The following MAPK8 variants were observed in gnomAD, a reference collection of about 807,000 sequenced individuals.
MAPK8 encodes the protein mitogen-activated protein kinase 8, also known as JUN N-terminal kinase.
MAPK8 carries 13 observed loss-of-function variants against 52.9 expected under a neutral mutation model. The observed-to-expected ratio is 0.25, with a 90% CI of 0.16 to 0.39. The LOEUF is 0.39. Among genes scored for constraint, MAPK8 ranks in the 10% least tolerant of loss-of-function variants. MAPK8 has a pLI of 1.00. For missense variants in MAPK8, 300 were observed against 519.2 expected, an observed-to-expected ratio of 0.58 and a Z score of 4.10; for synonymous variants, 191 against 169.8, an observed-to-expected ratio of 1.12 and a Z score of -0.97.
chr10:48,336,763 G>A (rs984381462), intron 1 of MAPK8, among the ~76,000 whole-genome samples: 1 of 152,138 alleles, frequency 6.6e-6, no homozygotes, highest in African/African-American at 2.4e-5. Context: ...AAGGCAAAAG[G>A]TAGGCATTTC....
chr10:48,385,272 G>GT (rs199616438), intron 1 of MAPK8, among the ~76,000 whole-genome samples: 3 of 151,868 alleles, frequency 2.0e-5, no homozygotes, highest in South Asian at 4.2e-4. Context: ...TAGAGCAAAA[G>GT]TTTTTTTTGT....
At chr10:48,422,542 C>T (rs971703963) in intron 6 of MAPK8, among the ~76,000 whole-genome samples, 1 of 152,128 alleles carries the variant, frequency 6.6e-6, no homozygotes, top group African/African-American at 2.4e-5. Context: ...TTTCAAAATA[C>T]TTTTGTTTAA....
At chr10:48,324,381 C>T (rs1040824435) in intron 1 of MAPK8, among the ~76,000 whole-genome samples, 6 of 152,098 alleles carry the variant, frequency 3.9e-5, no homozygotes, top group Non-Finnish European at 8.8e-5. Flanking sequence ...TCTTATTCTG[C>T]CCCTCTCCTC....
chr10:48,433,590 C>T (rs1316385130), intron 11 of MAPK8, among the ~76,000 whole-genome samples: 1 of 152,172 alleles, frequency 6.6e-6, no homozygotes, highest in Non-Finnish European at 1.5e-5. Flanking sequence ...TTTTCTCTTC[C>T]GTTTCAGCTC....
chr10:48,423,168 A>G (rs761253490), intron 6 of MAPK8, among the ~76,000 whole-genome samples: 3 of 152,322 alleles, frequency 2.0e-5, no homozygotes, highest in Middle Eastern at 3.4e-3. Flanking sequence ...AGTTTCCCTT[A>G]GTAAGTGGAG....
intron 1 of MAPK8, among the ~76,000 whole-genome samples, chr10:48,382,906 G>GTATA (rs1219081929): frequency 1.5e-5 from 2 of 133,774 alleles, no homozygotes; most frequent in African/African-American, 5.4e-5. Flanking sequence ...ATAGCTATGT[G>GTATA]TATATATATA....
chr10:48,404,616 G>C (rs1424547224), intron 2 of MAPK8, among the ~76,000 whole-genome samples: 3 of 152,094 alleles, frequency 2.0e-5, no homozygotes, highest in Non-Finnish European at 4.4e-5. Context: ...GAACATGCAG[G>C]GTCTCTGTTG....
chr10:48,423,363 G>A (rs975980423), intron 6 of MAPK8, among the ~76,000 whole-genome samples: 1 of 152,258 alleles, frequency 6.6e-6, no homozygotes, highest in Non-Finnish European at 1.5e-5. Flanking sequence ...GGTTTTATGG[G>A]TTTAAAAAAC....
At chr10:48,425,716 A>T in intron 7 of MAPK8, 172 bp from the exon 8 acceptor site, 2 of 454,866 alleles carry the variant, frequency 4.4e-6, no homozygotes, top group South Asian at 1.2e-4. Context: ...TTTATTGATC[A>T]TTTCTGTCCA....
At chr10:48,313,418 G>A (rs1842173442) in intron 1 of MAPK8, among the ~76,000 whole-genome samples, 1 of 40 alleles carries the variant, frequency 0.025, no homozygotes, top group East Asian at 0.5. Context: ...GGGCGGCAGA[G>A]GTGTAGACTC....
intron 7 of MAPK8, chr10:48,424,586 G>A (rs776142826): frequency 1.0e-5 from 16 of 1,574,460 alleles, no homozygotes; most frequent in Middle Eastern, 1.7e-4. Context: ...GGTACAGATC[G>A]TATCCTTATC....
At chr10:48,431,825 G>C (rs1053658454) in intron 11 of MAPK8, among the ~76,000 whole-genome samples, 1 of 152,128 alleles carries the variant, frequency 6.6e-6, no homozygotes, top group African/African-American at 2.4e-5. Flanking sequence ...AAAGTATAAA[G>C]AATAGAGGGG....
chr10:48,409,398 A>G (rs189766418), intron 3 of MAPK8, among the ~76,000 whole-genome samples: 6 of 152,334 alleles, frequency 3.9e-5, no homozygotes, highest in Non-Finnish European at 7.3e-5. Context: ...CCATGCAAAA[A>G]GTGAAAAGAA....
intron 1 of MAPK8, among the ~76,000 whole-genome samples, chr10:48,345,233 G>A (rs1454225054): frequency 6.6e-6 from 1 of 152,048 alleles, no homozygotes. Flanking sequence ...AGGAACTTCC[G>A]GTTTCATTGC....
chr10:48,342,802 T>C (rs186116132), intron 1 of MAPK8, among the ~76,000 whole-genome samples: 1 of 152,318 alleles, frequency 6.6e-6, no homozygotes, highest in East Asian at 1.9e-4. Context: ...GCCTTTTGAA[T>C]GTCCAGATGG....
At chr10:48,330,640 G>A (rs1844042300) in intron 1 of MAPK8, among the ~76,000 whole-genome samples, 1 of 152,182 alleles carries the variant, frequency 6.6e-6, no homozygotes, top group African/African-American at 2.4e-5. Flanking sequence ...CAGGTGTCTG[G>A]TAGGCAGGCA....
chr10:48,403,223 G>T (rs967317694), intron 2 of MAPK8, among the ~76,000 whole-genome samples: 1 of 152,170 alleles, frequency 6.6e-6, no homozygotes, highest in Non-Finnish European at 1.5e-5. Flanking sequence ...ACTTTGGGAG[G>T]CCGAGGTGGG....
intron 1 of MAPK8, among the ~76,000 whole-genome samples, chr10:48,360,906 G>A (rs1182345020): frequency 6.6e-6 from 1 of 152,134 alleles, no homozygotes; most frequent in Non-Finnish European, 1.5e-5. Context: ...TTGGTAATGG[G>A]TGATGGATAC....
chr10:48,349,015 G>C (rs1411956409), intron 1 of MAPK8, among the ~76,000 whole-genome samples: 2 of 149,888 alleles, frequency 1.3e-5, no homozygotes, highest in Non-Finnish European at 3.0e-5. Context: ...AACCAACAAA[G>C]ATAAAAAGAC....
Sources: allele counts gnomAD v4.1 joint callset (sites outside exome capture counted in the v4.1 genomes callset), GRCh38; gene constraint gnomAD v4.1.1; transcripts MANE v1.5; gene names NCBI Gene and HGNC (gene_info 2026-07-23, HGNC 2026-07-21).